TRPM3: variants seen among roughly 807,000 people sequenced by gnomAD.
TRPM3 encodes long transient receptor potential channel 3.
In TRPM3, 77 loss-of-function variants were observed where a neutral mutation model predicts 181.2. The ratio of observed to expected loss-of-function variants is 0.42; its 90% CI spans 0.35 to 0.51. The LOEUF is 0.51. TRPM3 is among the 20% of genes least tolerant of loss of function. The pLI, the probability that TRPM3 is intolerant of heterozygous loss-of-function variation, is 0.01. For synonymous variants in TRPM3, 745 were observed against 796.4 expected, an observed-to-expected ratio of 0.94 and a Z score of 1.09; for missense variants, 1,759 against 2,196.7, an observed-to-expected ratio of 0.80 and a Z score of 3.98.
At chr9:71,354,570 C>A (rs1338591593) in intron 1 of TRPM3, among the ~76,000 whole-genome samples, 1 of 152,250 alleles carries the variant, frequency 6.6e-6, no homozygotes, top group Non-Finnish European at 1.5e-5. Flanking sequence ...TAATCAAATA[C>A]ACAGCTTGTC....
intron 3 of TRPM3, among the ~76,000 whole-genome samples, chr9:70,858,865 G>T (rs1436094987): frequency 6.6e-6 from 1 of 152,136 alleles, no homozygotes; most frequent in Non-Finnish European, 1.5e-5. Context: ...GGACAGTGGA[G>T]TCTTGAAGCT....
At chr9:71,147,080 C>T (rs1339133212) in intron 1 of TRPM3, among the ~76,000 whole-genome samples, 1 of 152,106 alleles carries the variant, frequency 6.6e-6, no homozygotes, top group Non-Finnish European at 1.5e-5. Context: ...TCTAACTTGT[C>T]CAAAAGCAGT....
chr9:70,637,992 A>AACTT (rs2057483727), intron 11 of TRPM3, among the ~76,000 whole-genome samples: 1 of 152,144 alleles, frequency 6.6e-6, no homozygotes, highest in Non-Finnish European at 1.5e-5. Flanking sequence ...TGTATCCCAG[A>AACTT]ACTTAAAGTA....
chr9:71,017,769 G>A (rs937435530), intron 1 of TRPM3, among the ~76,000 whole-genome samples: 7 of 151,550 alleles, frequency 4.6e-5, no homozygotes, highest in Admixed American at 6.6e-5. Flanking sequence ...CACCTTTCTC[G>A]AAACTGATAG....
At chr9:71,385,007 G>T (rs1291336365) in intron 1 of TRPM3, among the ~76,000 whole-genome samples, 1 of 152,092 alleles carries the variant, frequency 6.6e-6, no homozygotes, top group Non-Finnish European at 1.5e-5. Context: ...AGAAAATGTT[G>T]CATCTTCTGA....
intron 4 of TRPM3, among the ~76,000 whole-genome samples, chr9:70,845,167 G>A (rs548647050): frequency 6.6e-6 from 1 of 152,288 alleles, no homozygotes; most frequent in East Asian, 1.9e-4. Flanking sequence ...GTATTTAAGA[G>A]AATTCTCAGT....
intron 1 of TRPM3, among the ~76,000 whole-genome samples, chr9:71,072,120 T>C (rs773093305): frequency 6.6e-6 from 1 of 152,174 alleles, no homozygotes; most frequent in Non-Finnish European, 1.5e-5. Context: ...CATATGTCCA[T>C]CTGATTTCTT....
chr9:71,342,331 A>T (rs990101950), intron 1 of TRPM3, among the ~76,000 whole-genome samples: 1 of 149,990 alleles, frequency 6.7e-6, no homozygotes, highest in Admixed American at 6.7e-5. Flanking sequence ...CTTTATCCTG[A>T]AAACACACTT....
chr9:71,307,313 G>A (rs201076765), intron 1 of TRPM3, among the ~76,000 whole-genome samples: 2 of 45,172 alleles, frequency 4.4e-5, no homozygotes, highest in African/African-American at 8.0e-5. Flanking sequence ...TTATTTCCCT[G>A]TTTATTTACC....
intron 1 of TRPM3, among the ~76,000 whole-genome samples, chr9:71,035,047 T>C (rs916664664): frequency 2.6e-5 from 4 of 152,162 alleles, no homozygotes; most frequent in African/African-American, 9.7e-5. Flanking sequence ...ACTAATCCCA[T>C]CCTGTTGGAA....
chr9:70,929,069 A>G (rs138882590), intron 1 of TRPM3, among the ~76,000 whole-genome samples: 236 of 152,228 alleles, frequency 1.6e-3, no homozygotes, highest in Non-Finnish European at 2.7e-3. Context: ...AAAGGATTCT[A>G]TATTACCCTG....
At position 71,355,778 on chromosome 9, in the gene TRPM3, C is replaced by T. The variant is rs577119119; in HGVS notation, c.183+90875G>A. On this transcript the variant is annotated intron_variant, in intron 1 of 24. Coordinates refer to the TRPM3 transcript ENST00000357533. ...ATACAGAGCATGAGCTAGGGCAAAA[C>T]GTTTGTTCTTCATAAAGCATTAATA... 3.3e-5 allele frequency among the ~76,000 whole-genome samples: 5 copies of T among 152,078 alleles called. No individual in the cohort carries two copies. In the South Asian group the frequency reaches 6.2e-4, roughly 19 times the overall value.
At chr9:70,680,471 T>C (rs562906370) in intron 9 of TRPM3, among the ~76,000 whole-genome samples, 1 of 152,302 alleles carries the variant, frequency 6.6e-6, no homozygotes, top group African/African-American at 2.4e-5. Context: ...AATCATTGAG[T>C]AGCCCACTTG....
intron 1 of TRPM3, among the ~76,000 whole-genome samples, chr9:71,354,924 T>G (rs1009224333): frequency 2.8e-4 from 43 of 152,256 alleles, no homozygotes; most frequent in Admixed American, 2.8e-3. Context: ...CTTTTCCAAA[T>G]AGTATCTCTC....
chr9:71,364,890 C>G (rs557427597), intron 1 of TRPM3, among the ~76,000 whole-genome samples: 2 of 152,262 alleles, frequency 1.3e-5, no homozygotes, highest in Admixed American at 1.3e-4. Flanking sequence ...CATGAATGTT[C>G]ATAAGCATTT....
intron 1 of TRPM3, among the ~76,000 whole-genome samples, chr9:71,244,615 A>T (rs986261933): frequency 2.6e-5 from 4 of 152,198 alleles, no homozygotes; most frequent in African/African-American, 9.6e-5. Context: ...TGTACACTGT[A>T]CTTTACTTTT....
intron 22 of TRPM3, among the ~76,000 whole-genome samples, chr9:70,554,465 C>T (rs1033949268): frequency 5.9e-5 from 9 of 152,090 alleles, no homozygotes; most frequent in African/African-American, 4.8e-5. Context: ...TGGCAAGAGG[C>T]GTCCATTCCT....
At chr9:71,064,514 T>G (rs2061682348) in intron 1 of TRPM3, among the ~76,000 whole-genome samples, 1 of 151,936 alleles carries the variant, frequency 6.6e-6, no homozygotes, top group Admixed American at 6.6e-5. Flanking sequence ...CATTTCCCCC[T>G]GTAGTTTTCA....
intron 1 of TRPM3, among the ~76,000 whole-genome samples, chr9:71,274,965 GAGA>G (rs149810752): frequency 0.015 from 2,215 of 152,252 alleles, 28 homozygotes; most frequent in East Asian, 0.078. Context: ...CTTTGAGTCT[GAGA>G]AGAAGGTTTT....
Sources: gnomAD v4.1 joint callset for allele counts (sites outside exome capture counted in the v4.1 genomes callset) on GRCh38, gnomAD v4.1.1 for gene constraint, MANE v1.5 for transcripts, NCBI Gene and HGNC (gene_info 2026-07-23, HGNC 2026-07-21) for gene names.